HCN1: variants seen among roughly 807,000 people sequenced by gnomAD.
HCN1 encodes the protein hyperpolarization activated cyclic nucleotide gated potassium channel 1.
Under a neutral mutation model 78.9 loss-of-function variants are expected in HCN1, and 13 were observed. That is an observed-to-expected ratio of 0.16 (90% CI 0.11 to 0.26). The LOEUF (loss-of-function observed/expected upper bound fraction) is 0.26, where lower values mean the gene tolerates loss of function less well. Ranked by LOEUF, HCN1 falls within the 10% of genes least tolerant of loss-of-function variation. The pLI, the probability that HCN1 is intolerant of heterozygous loss-of-function variation, is 1.00. For missense variants in HCN1, 810 were observed against 1,154.3 expected (o/e 0.70, Z 4.32); for synonymous variants, 552 against 455.5 (o/e 1.21, Z -2.70).
chr5:45,280,814 C>T (rs560728972), intron 6 of HCN1, among the ~76,000 whole-genome samples: 4 of 152,064 alleles, frequency 2.6e-5, no homozygotes, highest in Non-Finnish European at 5.9e-5. Flanking sequence ...TTTGGATACT[C>T]TTCTTGGAAC....
intron 4 of HCN1, among the ~76,000 whole-genome samples, chr5:45,374,020 T>TATATATATTATATACATA (rs1561130033): frequency 2.5e-5 from 2 of 81,188 alleles, no homozygotes; most frequent in Non-Finnish European, 4.3e-5. Context: ...TAATATATAT[T>TATATATATTATATACATA]ATATATATTA....
chr5:45,644,824 C>A, intron 2 of HCN1: 1 of 256,130 alleles, frequency 3.9e-6, no homozygotes. Context: ...AGCAATCAGA[C>A]CCTACACATC....
chr5:45,625,227 T>C (rs1456264776), intron 2 of HCN1, among the ~76,000 whole-genome samples: 9 of 152,142 alleles, frequency 5.9e-5, no homozygotes, highest in Non-Finnish European at 1.2e-4. Context: ...CTCTTGAACC[T>C]TGGAGGCAGG....
At chr5:45,295,996 A>G (rs1368378568) in intron 6 of HCN1, among the ~76,000 whole-genome samples, 1 of 152,038 alleles carries the variant, frequency 6.6e-6, no homozygotes, top group Non-Finnish European at 1.5e-5. Flanking sequence ...TATTCAAAGT[A>G]ATGTAAACTT....
rs532746230 is a variant in HCN1 at position 45,421,412 on chromosome 5, A to G, written c.1012-24702T>C. The stretch of plus-strand genomic sequence containing the variant: ...AAACTAGAGATTGTATACAGATGCC[A>G]TGGGATATCATACTGCATTGAAAAT... On this transcript the variant is annotated intron_variant, in intron 3 of 7. Coordinates refer to ENST00000303230, the MANE Select transcript of HCN1 (RefSeq NM_021072.4). Among the ~76,000 whole-genome samples, 56 of 152,304 alleles carry G rather than the reference A, an allele frequency of 3.7e-4. 1 individual carries two copies. In the South Asian group the frequency reaches 8.5e-3, roughly 23 times the overall value.
chr5:45,367,631 C>G (rs1278332006), intron 4 of HCN1, among the ~76,000 whole-genome samples: 1 of 151,864 alleles, frequency 6.6e-6, no homozygotes, highest in Non-Finnish European at 1.5e-5. Context: ...CTAATGGTCA[C>G]TGGTTGATCT....
chr5:45,261,731 CTT>C lies in HCN1; in HGVS notation c.*188_*189del, dbSNP rs1367621983. 7 of 566,542 alleles carry C rather than the reference CTT, an allele frequency of 1.2e-5. No homozygotes were observed. The highest frequency in any genetic ancestry group is 5.3e-5 in the South Asian group (2 of 38,064). 35.1% of individuals were successfully genotyped at this position (566,542 alleles called of 1,614,324 possible). ...TGCTAAACAGGTCTTTTGACCCTCT[CTT>C]GGGAATTTAGATATATATTTTATAG... On this transcript the variant is annotated 3_prime_UTR_variant, in exon 8 of 8. Coordinates refer to ENST00000303230, the MANE Select transcript of HCN1 (RefSeq NM_021072.4).
intron 3 of HCN1, among the ~76,000 whole-genome samples, chr5:45,456,775 C>A (rs1044159137): frequency 3.3e-5 from 5 of 151,942 alleles, no homozygotes; most frequent in African/African-American, 1.2e-4. Flanking sequence ...ATACAGTATT[C>A]TACAACTGAG....
At chr5:45,444,689 T>C (rs1740750376) in intron 3 of HCN1, among the ~76,000 whole-genome samples, 1 of 152,180 alleles carries the variant, frequency 6.6e-6, no homozygotes, top group Admixed American at 6.5e-5. Context: ...TATGAATCTA[T>C]AACCCAGCAT....
At chr5:45,671,981 A>G (rs1051181156) in intron 1 of HCN1, among the ~76,000 whole-genome samples, 1 of 151,610 alleles carries the variant, frequency 6.6e-6, no homozygotes, top group African/African-American at 2.4e-5. Flanking sequence ...CTTTAGTTAA[A>G]ATCTGCATTT....
chr5:45,459,870 T>G (rs1481871745), intron 3 of HCN1, among the ~76,000 whole-genome samples: 1 of 152,124 alleles, frequency 6.6e-6, no homozygotes, highest in East Asian at 1.9e-4. Flanking sequence ...TGTTGCCTTT[T>G]CTTCTCCTGA....
chr5:45,523,015 C>G (rs370882004), intron 2 of HCN1, among the ~76,000 whole-genome samples: 2 of 151,866 alleles, frequency 1.3e-5, no homozygotes, highest in Non-Finnish European at 1.5e-5. Flanking sequence ...CCACTCCCCC[C>G]ACCCCACAAC....
intron 5 of HCN1, among the ~76,000 whole-genome samples, chr5:45,322,564 A>T (rs1441639819): frequency 6.6e-6 from 1 of 151,892 alleles, no homozygotes; most frequent in Non-Finnish European, 1.5e-5. Context: ...TTCAACTCTG[A>T]ACATGAGATT....
chr5:45,652,649 T>G (rs567536607), intron 1 of HCN1, among the ~76,000 whole-genome samples: 2 of 152,174 alleles, frequency 1.3e-5, no homozygotes, highest in Admixed American at 1.3e-4. Context: ...AGTTAGTGGC[T>G]TCCAAATTTC....
At chr5:45,549,745 T>C (rs1743320761) in intron 2 of HCN1, among the ~76,000 whole-genome samples, 1 of 151,948 alleles carries the variant, frequency 6.6e-6, no homozygotes, top group African/African-American at 2.4e-5. Flanking sequence ...TGCAATCTAC[T>C]CATCTGACAA....
chr5:45,335,299 T>C (rs1248969081), intron 5 of HCN1, among the ~76,000 whole-genome samples: 2 of 152,058 alleles, frequency 1.3e-5, no homozygotes, highest in African/African-American at 4.8e-5. Context: ...CAGGCACTCA[T>C]AAACAGAAGG....
chr5:45,690,811 T>C (rs1739895615), intron 1 of HCN1, among the ~76,000 whole-genome samples: 1 of 152,084 alleles, frequency 6.6e-6, no homozygotes, highest in African/African-American at 2.4e-5. Context: ...CTGCAAATGC[T>C]CAGTACTCTT....
chr5:45,563,816 G>T (rs377386994), intron 2 of HCN1, among the ~76,000 whole-genome samples: 11 of 152,008 alleles, frequency 7.2e-5, no homozygotes, highest in African/African-American at 2.7e-4. Flanking sequence ...CAATAACCCT[G>T]CATTTTGATC....
At chr5:45,273,634 G>T (rs1745000657) in intron 6 of HCN1, among the ~76,000 whole-genome samples, 3 of 152,062 alleles carry the variant, frequency 2.0e-5, no homozygotes, top group Admixed American at 2.0e-4. Flanking sequence ...ACTGTACTTA[G>T]CTTCTCATAG....
Sources: gnomAD v4.1 joint callset for allele counts (sites outside exome capture counted in the v4.1 genomes callset) on GRCh38, gnomAD v4.1.1 for gene constraint, MANE v1.5 for transcripts, NCBI Gene and HGNC (gene_info 2026-07-23, HGNC 2026-07-21) for gene names.